Variants in MYT1L observed in about 807,000 individuals in gnomAD.
MYT1L encodes the protein myelin transcription factor 1-like protein.
Under a neutral mutation model 126.7 loss-of-function variants are expected in MYT1L, and 12 were observed. That is an observed-to-expected ratio of 0.09 (90% CI 0.06 to 0.15). The LOEUF (loss-of-function observed/expected upper bound fraction) is 0.15, where lower values mean the gene tolerates loss of function less well. Among genes scored for constraint, MYT1L ranks in the 10% least tolerant of loss-of-function variants. The pLI is 1.00. For synonymous variants in MYT1L, 541 were observed against 604.2 expected, an observed-to-expected ratio of 0.90 and a Z score of 1.53; for missense variants, 979 against 1,585.2, an observed-to-expected ratio of 0.62 and a Z score of 6.49.
chr2:2,164,003 A>T (rs2088535751), intron 3 of MYT1L, among the ~76,000 whole-genome samples: 1 of 152,090 alleles, frequency 6.6e-6, no homozygotes, highest in South Asian at 2.1e-4. Context: ...CCTCAATATC[A>T]TCCCCTACAG....
chr2:2,142,419 T>C (rs2084131371), intron 3 of MYT1L, among the ~76,000 whole-genome samples: 1 of 152,158 alleles, frequency 6.6e-6, no homozygotes, highest in Non-Finnish European at 1.5e-5. Context: ...ATAGAACTTT[T>C]GCTCAAACAG....
intron 1 of MYT1L, among the ~76,000 whole-genome samples, chr2:2,294,117 A>C (rs1387486797): frequency 6.6e-6 from 1 of 152,230 alleles, no homozygotes; most frequent in African/African-American, 2.4e-5. Context: ...ATATTAAATT[A>C]TGGTGACAGC....
At chr2:1,969,334 C>G (rs989278934) in intron 8 of MYT1L, among the ~76,000 whole-genome samples, 1 of 152,212 alleles carries the variant, frequency 6.6e-6, no homozygotes, top group Non-Finnish European at 1.5e-5. Flanking sequence ...GCCGTTGGCT[C>G]TGTGTGTGAG....
chr2:2,315,996 T>A (rs1461613704), intron 1 of MYT1L, among the ~76,000 whole-genome samples: 1 of 152,214 alleles, frequency 6.6e-6, no homozygotes, highest in Non-Finnish European at 1.5e-5. Flanking sequence ...TGTAGAAATT[T>A]GCACTTTTGA....
chr2:1,844,725 T>C (rs946849823), intron 19 of MYT1L, among the ~76,000 whole-genome samples: 1 of 152,222 alleles, frequency 6.6e-6, no homozygotes, highest in Non-Finnish European at 1.5e-5. Flanking sequence ...TCTGTGATTT[T>C]AGATCCTGAC....
intron 3 of MYT1L, among the ~76,000 whole-genome samples, chr2:2,131,065 T>A (rs2082298937): frequency 6.6e-6 from 1 of 152,170 alleles, no homozygotes; most frequent in Admixed American, 6.5e-5. Flanking sequence ...TGCGATACCT[T>A]ATGGAAGTAG....
chr2:2,167,774 T>A (rs1486387146), intron 3 of MYT1L, among the ~76,000 whole-genome samples: 2 of 152,234 alleles, frequency 1.3e-5, no homozygotes, highest in Non-Finnish European at 2.9e-5. Context: ...TTCATCCTCC[T>A]GACTTTGCAG....
chr2:2,167,683 C>T (rs537664006), intron 3 of MYT1L, among the ~76,000 whole-genome samples: 58 of 152,342 alleles, frequency 3.8e-4, no homozygotes, highest in African/African-American at 1.3e-3. Flanking sequence ...CAGAAGACAT[C>T]CTTGGAGCCA....
At chr2:1,940,644 C>T (rs1222513962) in intron 9 of MYT1L, among the ~76,000 whole-genome samples, 2 of 152,406 alleles carry the variant, frequency 1.3e-5, no homozygotes, top group South Asian at 2.1e-4. Flanking sequence ...GCTGCACCTT[C>T]CTGAGTAGCT....
chr2:1,893,382 T>C (rs1379998921), intron 14 of MYT1L, among the ~76,000 whole-genome samples: 1 of 152,154 alleles, frequency 6.6e-6, no homozygotes, highest in African/African-American at 2.4e-5. Context: ...AATCCCTCCG[T>C]CAGTGAGCCC....
chr2:2,300,046 C>T (rs1247778573), intron 1 of MYT1L, among the ~76,000 whole-genome samples: 1 of 152,130 alleles, frequency 6.6e-6, no homozygotes, highest in African/African-American at 2.4e-5. Flanking sequence ...TAGGATGGAG[C>T]AGTAAGGCTT....
At chr2:2,300,690 T>C (rs945430021) in intron 1 of MYT1L, among the ~76,000 whole-genome samples, 1 of 152,140 alleles carries the variant, frequency 6.6e-6, no homozygotes, top group Non-Finnish European at 1.5e-5. Context: ...CCTCTGGTGG[T>C]GTGGGAGGAG....
intron 21 of MYT1L, among the ~76,000 whole-genome samples, chr2:1,830,593 G>A (rs189592458): frequency 1.5e-4 from 22 of 146,778 alleles, no homozygotes; most frequent in African/African-American, 5.1e-4. Flanking sequence ...ACCTGGAAGG[G>A]CTCACAGGGA....
At chr2:2,254,912 CT>C (rs1388200544) in intron 2 of MYT1L, among the ~76,000 whole-genome samples, 2 of 152,072 alleles carry the variant, frequency 1.3e-5, no homozygotes, top group Non-Finnish European at 2.9e-5. Flanking sequence ...AGGAAATGAT[CT>C]ATATTTTTTC....
chr2:1,832,076 G>T (rs758590854), intron 21 of MYT1L, among the ~76,000 whole-genome samples: 11 of 152,116 alleles, frequency 7.2e-5, no homozygotes, highest in African/African-American at 2.7e-4. Context: ...GTCCCTCGAG[G>T]TTCCTGTGTT....
chr2:2,003,548 G>T (rs13034507), intron 4 of MYT1L, among the ~76,000 whole-genome samples: 56,907 of 152,062 alleles, frequency 0.37, 10,897 homozygotes, highest in Admixed American at 0.44. Context: ...GCCTGCTGCT[G>T]CTTCCTCCGG....
At chr2:1,897,589 A>G (rs967223167) in intron 14 of MYT1L, among the ~76,000 whole-genome samples, 1 of 151,942 alleles carries the variant, frequency 6.6e-6, no homozygotes, top group Non-Finnish European at 1.5e-5. Context: ...CAGCCTCCTA[A>G]GTAGCTGGGA....
In MYT1L at chr2:1,979,151, A is replaced by T; in HGVS notation, c.152+14T>A. Reference sequence around the variant, plus strand: ...TTAGACAGCACATTGTGGAAAAAAAAATGCAGGCATTACCTTCTGTGTCTT... The same window carrying T: ...TTAGACAGCACATTGTGGAAAAAAATATGCAGGCATTACCTTCTGTGTCTT... On this transcript the variant is annotated intron_variant, in intron 8 of 24. Coordinates refer to ENST00000647738, the MANE Select transcript of MYT1L (RefSeq NM_001303052.2). The surrounding 1 kb of genome is among the most constrained non-coding windows in gnomAD (Gnocchi z 4.0). The T allele has an allele frequency of 6.2e-7, 1 of 1,609,816 alleles. No individual in the cohort carries two copies. The highest frequency in any genetic ancestry group is 8.5e-7 in the Non-Finnish European group (1 of 1,177,530).
intron 5 of MYT1L, among the ~76,000 whole-genome samples, chr2:1,990,744 T>C (rs59927606): frequency 0.16 from 24,125 of 152,146 alleles, 1,979 homozygotes; most frequent in African/African-American, 0.2. Context: ...CTGTGTGGAC[T>C]GCCAGGACCA....
Sources: allele counts gnomAD v4.1 joint callset (sites outside exome capture counted in the v4.1 genomes callset), GRCh38; gene constraint gnomAD v4.1.1; non-coding constraint Gnocchi (gnomAD v3.1); transcripts MANE v1.5; gene names NCBI Gene and HGNC (gene_info 2026-07-23, HGNC 2026-07-21).